SPTLC1: variants seen among roughly 807,000 people sequenced by gnomAD.
The protein encoded by SPTLC1 is serine palmitoyltransferase 1.
Under a neutral mutation model 68.9 loss-of-function variants are expected in SPTLC1, and 55 were observed. The observed-to-expected ratio is 0.80, with a 90% CI of 0.64 to 1.00. The LOEUF (loss-of-function observed/expected upper bound fraction) is 1.00. Ranked by LOEUF, SPTLC1 falls within the 50% of genes least tolerant of loss-of-function variation. The pLI, the probability that SPTLC1 is intolerant of heterozygous loss-of-function variation, is 0.00. For synonymous variants in SPTLC1, 197 were observed against 201.6 expected, an observed-to-expected ratio of 0.98 and a Z score of 0.19; for missense variants, 449 against 573.1, an observed-to-expected ratio of 0.78 and a Z score of 2.21.
chr9:92,061,288 A>G (rs1311474588), intron 6 of SPTLC1, among the ~76,000 whole-genome samples: 1 of 152,200 alleles, frequency 6.6e-6, no homozygotes, highest in East Asian at 1.9e-4. Flanking sequence ...GAGAAAAACA[A>G]TTTGAATGAC....
chr9:92,047,054 T>C, intron 11 of SPTLC1, 118 bp downstream of exon 11: 2 of 858,534 alleles, frequency 2.3e-6, no homozygotes, highest in Non-Finnish European at 4.0e-6. Flanking sequence ...ATGAATGCCA[T>C]ATAATGTAAC....
chr9:92,035,237 A>C (rs1177273185), intron 13 of SPTLC1, among the ~76,000 whole-genome samples: 1 of 152,214 alleles, frequency 6.6e-6, no homozygotes, highest in East Asian at 1.9e-4. Context: ...CATTTAGACA[A>C]AGCAGAGTTA....
intron 2 of SPTLC1, chr9:92,110,856 T>C (rs1836208391): frequency 6.6e-6 from 1 of 152,212 alleles, no homozygotes; most frequent in Admixed American, 6.5e-5. Flanking sequence ...AAAATCTAAA[T>C]TTACTCCAAT....
Position 92,032,281 on chromosome 9 carries a change from C to G in SPTLC1, c.*184G>C, listed in dbSNP as rs1474445838. On this transcript the variant is annotated 3_prime_UTR_variant, in exon 15 of 15. Transcript: ENST00000262554. ...GTTCCTGGGCTTTTAGATGTGTTTT[C>G]TTTTTAAAAAAAATAAGCATCCTTC... is the stretch of plus-strand genomic sequence containing the variant. 1.2e-5 allele frequency: 19 copies of G among 1,532,842 alleles called. No individual in the cohort carries two copies. In the Admixed American group the frequency reaches 3.6e-4, roughly 29 times the overall value. The allele number at this position is 1,532,842 out of a possible 1,614,324, so 95.0% of individuals were successfully genotyped here.
intron 13 of SPTLC1, among the ~76,000 whole-genome samples, chr9:92,036,690 T>C (rs79191321): frequency 3.4e-4 from 52 of 152,378 alleles, no homozygotes; most frequent in African/African-American, 1.3e-3. Context: ...ATGAAGGTAA[T>C]GAAATGAATG....
intron 3 of SPTLC1, among the ~76,000 whole-genome samples, chr9:92,086,118 T>C (rs376136503): frequency 0.034 from 5,151 of 152,066 alleles, 151 homozygotes; most frequent in South Asian, 0.11. Context: ...CATCCTTTTA[T>C]TTTGAGCCTA....
In SPTLC1 at chr9:92,077,611, TTTTA is replaced by T. The variant is rs553696895; in HGVS notation, c.427+2401_427+2404del. ...AAAAAGAACAATAACCCTGTATACC[TTTTA>T]TTTACAGTAGGCCTTTACACAGTCA... On this transcript the variant is annotated intron_variant, in intron 5 of 14. Coordinates refer to ENST00000262554, the MANE Select transcript of SPTLC1 (RefSeq NM_006415.4). Among the ~76,000 whole-genome samples, 449 of 152,226 alleles carry T rather than the reference TTTTA, an allele frequency of 2.9e-3. 3 individuals are homozygous for T. The highest frequency in any genetic ancestry group is 0.01 in the African/African-American group (425 of 41,492).
intron 3 of SPTLC1, among the ~76,000 whole-genome samples, chr9:92,098,338 A>G (rs551807176): frequency 1.1e-4 from 17 of 151,834 alleles, no homozygotes; most frequent in African/African-American, 4.1e-4. Context: ...CATCCATAAA[A>G]GCGCTCTGCA....
At chr9:92,095,911 CAGG>C (rs1835512076) in intron 3 of SPTLC1, among the ~76,000 whole-genome samples, 2 of 152,218 alleles carry the variant, frequency 1.3e-5, no homozygotes, top group African/African-American at 2.4e-5. Flanking sequence ...AGGCCGACAA[CAGG>C]AGGACTGGCT....
intron 6 of SPTLC1, among the ~76,000 whole-genome samples, chr9:92,065,465 T>C (rs781019493): frequency 6.6e-6 from 1 of 152,162 alleles, no homozygotes; most frequent in Non-Finnish European, 1.5e-5. Flanking sequence ...AAATGGAAAT[T>C]TTAAGACACT....
intron 3 of SPTLC1, among the ~76,000 whole-genome samples, chr9:92,106,984 C>A (rs1836020870): frequency 6.6e-6 from 1 of 152,150 alleles, no homozygotes; most frequent in South Asian, 2.1e-4. Context: ...GCAATATATA[C>A]CATGTAAATG....
Position 92,032,427 on chromosome 9 carries a change from G to A in SPTLC1, c.*38C>T, listed in dbSNP as rs760602474. On this transcript the variant is annotated 3_prime_UTR_variant, in exon 15 of 15. Transcript: ENST00000262554. ...AGCGGGAGTCTTGAGTCCTCTCTGCGTGTTGTGTGGCAGGAGGCCATGGTC... is the reference window on the plus strand; with the variant it reads ...AGCGGGAGTCTTGAGTCCTCTCTGCATGTTGTGTGGCAGGAGGCCATGGTC... The A allele has an allele frequency of 3.7e-6, 6 of 1,613,948 alleles. No individual in the cohort carries two copies. The highest frequency in any genetic ancestry group is 4.5e-5 in the East Asian group (2 of 44,876).
chr9:92,055,249 C>G (rs1833845874), intron 8 of SPTLC1, 156 bp downstream of exon 8: 1 of 1,491,272 alleles, frequency 6.7e-7, no homozygotes, highest in Admixed American at 2.1e-5. Context: ...CACTGGCATT[C>G]AGTGTTGTTC....
chr9:92,057,689 G>C (rs908981667), intron 7 of SPTLC1, among the ~76,000 whole-genome samples: 8 of 152,174 alleles, frequency 5.3e-5, no homozygotes, highest in Admixed American at 3.3e-4. Context: ...CATGAACCAT[G>C]GCGCTTGGAA....
In SPTLC1 at chr9:92,076,239, C is replaced by T. The variant is rs187922632; in HGVS notation, c.427+3777G>A. On this transcript the variant is annotated intron_variant, in intron 5 of 14. Transcript: ENST00000262554. Reference sequence around the variant, plus strand: ...CACAAGGATCCTCTATTATCAATGCCCCCTTAATAAAGCCCTCCTTAAAGC... The same window carrying T: ...CACAAGGATCCTCTATTATCAATGCTCCCTTAATAAAGCCCTCCTTAAAGC... Among the ~76,000 whole-genome samples, 285 of 152,256 alleles carry T rather than the reference C, an allele frequency of 1.9e-3. 2 individuals are homozygous for T. The highest frequency in any genetic ancestry group is 2.4e-3 in the Non-Finnish European group (163 of 68,004).
chr9:92,059,193 T>C lies in SPTLC1; in HGVS notation c.676A>G (p.Ile226Val), dbSNP rs1834001814. ...DLERLLKEQE[I>V]EDQKNPRKAR... is the part of the protein sequence containing the mutation. ...AAGAATCATACCTTTTGATCTTCGATCTCTTGTTCTTTTAGTAGTCGCTCG... is the reference window on the plus strand; with the variant it reads ...AAGAATCATACCTTTTGATCTTCGACCTCTTGTTCTTTTAGTAGTCGCTCG... The change falls in exon 7 of 15, where the codon ATC becomes GTC. Residue 226 changes from isoleucine (I) to valine (V), a missense_variant. Physicochemically the swap from Ile to Val is conservative, Grantham distance 29. Coordinates refer to ENST00000262554, the MANE Select transcript of SPTLC1 (RefSeq NM_006415.4). 4 of 1,613,772 alleles carry C rather than the reference T, an allele frequency of 2.5e-6. No homozygotes were observed. Among genetic ancestry groups the C allele is most frequent in the Middle Eastern group, 1.6e-4 (1 of 6,084 alleles).
intron 6 of SPTLC1, among the ~76,000 whole-genome samples, chr9:92,066,556 G>A (rs1418990905): frequency 6.6e-6 from 1 of 152,134 alleles, no homozygotes; most frequent in African/African-American, 2.4e-5. Flanking sequence ...AAACACCTCA[G>A]GGAAAATGGT....
chr9:92,109,602 T>C (rs2118829592), intron 2 of SPTLC1: 1 of 152,404 alleles, frequency 6.6e-6, no homozygotes, highest in East Asian at 1.9e-4. Context: ...CAACATTCTT[T>C]ATAGTCACAG....
intron 3 of SPTLC1, among the ~76,000 whole-genome samples, chr9:92,089,321 G>A (rs1447708164): frequency 6.6e-6 from 1 of 152,188 alleles, no homozygotes; most frequent in East Asian, 1.9e-4. Flanking sequence ...GCTAAAGCAG[G>A]AGAATCGCTT....
Sources: allele counts gnomAD v4.1 joint callset (sites outside exome capture counted in the v4.1 genomes callset), GRCh38; gene constraint gnomAD v4.1.1; transcripts MANE v1.5; gene names NCBI Gene and HGNC (gene_info 2026-07-23, HGNC 2026-07-21).